Variants in PDE7A observed in about 807,000 individuals in gnomAD.
PDE7A encodes the protein high affinity 3',5'-cyclic-AMP phosphodiesterase 7A.
Under a neutral mutation model 64.3 loss-of-function variants are expected in PDE7A, and 39 were observed. The observed-to-expected ratio is 0.61, with a 90% CI of 0.47 to 0.79. PDE7A has a LOEUF of 0.79. PDE7A is among the 30% of genes least tolerant of loss of function. The pLI is 0.00. For missense variants in PDE7A, 470 were observed against 582.8 expected (o/e 0.81, Z 1.99); for synonymous variants, 203 against 206.8 (o/e 0.98, Z 0.16).
Position 65,775,645 on chromosome 8 carries a change from T to A in PDE7A, c.283+4075A>T, listed in dbSNP as rs968686456. Among the ~76,000 whole-genome samples, 20 of 152,384 alleles carry A rather than the reference T, an allele frequency of 1.3e-4. No individual in the cohort carries two copies. The East Asian group carries it at 3.7e-3, about 28-fold the overall frequency. ...CCTCTCTTATTTCTTCCCTTTTCTT[T>A]GAGACGAAGTCTCGCTCTGTAGCCA... is the stretch of plus-strand genomic sequence containing the variant. On this transcript the variant is annotated intron_variant, in intron 3 of 12. Coordinates refer to ENST00000401827, the MANE Select transcript of PDE7A (RefSeq NM_001242318.3).
intron 4 of PDE7A, among the ~76,000 whole-genome samples, chr8:65,747,002 A>T (rs905611362): frequency 6.6e-6 from 1 of 152,220 alleles, no homozygotes; most frequent in Non-Finnish European, 1.5e-5. Context: ...GGTTAAAAAC[A>T]AGCTCATTTA....
intron 1 of PDE7A, among the ~76,000 whole-genome samples, chr8:65,796,768 C>T (rs1057051273): frequency 2.4e-4 from 36 of 151,976 alleles, no homozygotes; most frequent in African/African-American, 8.7e-4. Flanking sequence ...AATATTTTTG[C>T]CCTAAGATCA....
intron 1 of PDE7A, among the ~76,000 whole-genome samples, chr8:65,791,611 TC>T (rs1809704869): frequency 6.6e-6 from 1 of 152,158 alleles, no homozygotes; most frequent in Non-Finnish European, 1.5e-5. Context: ...ATAGGTTGGC[TC>T]CCTAAAATGC....
At chr8:65,744,022 G>T (rs1807558447) in intron 5 of PDE7A, among the ~76,000 whole-genome samples, 1 of 152,104 alleles carries the variant, frequency 6.6e-6, no homozygotes, top group African/African-American at 2.4e-5. Context: ...TAGTAGAGAT[G>T]GGGTTTTGCC....
intron 3 of PDE7A, among the ~76,000 whole-genome samples, chr8:65,768,925 T>A (rs1271909509): frequency 1.3e-5 from 2 of 152,180 alleles, no homozygotes; most frequent in African/African-American, 4.8e-5. Flanking sequence ...GAGGAAATTT[T>A]TTTATTCTGG....
In PDE7A at chr8:65,841,461, G is replaced by C. The variant is rs760555497; in HGVS notation, c.48C>G (p.Val16=). The C allele has an allele frequency of 3.8e-6, 6 of 1,564,540 alleles. No individual in the cohort carries two copies. The highest frequency in any genetic ancestry group is 1.9e-4 in the Middle Eastern group (1 of 5,330). The change falls in exon 1 of 13, where the codon GTC becomes GTG. Residue 16 remains valine, a synonymous_variant. Coordinates refer to ENST00000401827, the MANE Select transcript of PDE7A (RefSeq NM_001242318.3). ...QLPVLPLDRP[V]PQHVLSRRGA... ...CTCGGCGGCTGAGGACGTGCTGGGG[G>C]ACCGGCCTGTCCAGGGGCAGTACCG...
intron 1 of PDE7A, among the ~76,000 whole-genome samples, chr8:65,804,540 C>CTTTTTTTTT (rs762379703): frequency 1.8e-5 from 2 of 113,044 alleles, no homozygotes; most frequent in African/African-American, 3.1e-5. Context: ...CATTTTGTTG[C>CTTTTTTTTT]TTTTTTTTTT....
At chr8:65,795,661 C>T (rs1809820161) in intron 1 of PDE7A, among the ~76,000 whole-genome samples, 1 of 152,008 alleles carries the variant, frequency 6.6e-6, no homozygotes, top group South Asian at 2.1e-4. Context: ...CGTAGAAAGC[C>T]CTATCAGAAA....
At chr8:65,780,381 G>A (rs1204741732) in intron 2 of PDE7A, among the ~76,000 whole-genome samples, 2 of 152,124 alleles carry the variant, frequency 1.3e-5, no homozygotes, top group Admixed American at 6.5e-5. Flanking sequence ...AAGTCAATCT[G>A]ATTAATCACT....
intron 7 of PDE7A, among the ~76,000 whole-genome samples, chr8:65,732,375 C>A (rs747073164): frequency 4.6e-5 from 7 of 152,154 alleles, no homozygotes; most frequent in African/African-American, 1.2e-4. Flanking sequence ...ATGTACACTT[C>A]ATGAAGACAG....
chr8:65,805,749 C>CT (rs2128928804), intron 1 of PDE7A, among the ~76,000 whole-genome samples: 1 of 150,670 alleles, frequency 6.6e-6, no homozygotes, highest in South Asian at 2.1e-4. Context: ...ACAGGCATGG[C>CT]TTCTGTTCGT....
intron 1 of PDE7A, among the ~76,000 whole-genome samples, chr8:65,832,105 CTTAA>C (rs1465961818): frequency 1.3e-5 from 2 of 152,148 alleles, no homozygotes; most frequent in African/African-American, 2.4e-5. Context: ...TTTTTCTTCA[CTTAA>C]TTATGTTGCT....
chr8:65,766,421 G>A (rs183967652), intron 3 of PDE7A, among the ~76,000 whole-genome samples: 33 of 152,332 alleles, frequency 2.2e-4, no homozygotes, highest in African/African-American at 7.2e-4. Flanking sequence ...ACTCAAAAGA[G>A]TGAAACTAAA....
chr8:65,825,516 T>C (rs972989915), intron 1 of PDE7A, among the ~76,000 whole-genome samples: 1 of 152,170 alleles, frequency 6.6e-6, no homozygotes, highest in African/African-American at 2.4e-5. Flanking sequence ...CACCTTACTT[T>C]TCTAAACTTC....
chr8:65,771,969 A>T (rs1432185368), intron 3 of PDE7A, among the ~76,000 whole-genome samples: 1 of 152,008 alleles, frequency 6.6e-6, no homozygotes. Context: ...GGAGAATACC[A>T]GAACAACCTC....
At position 65,750,504 on chromosome 8, in the gene PDE7A, CTG is replaced by C. The variant is rs1043866998; in HGVS notation, c.284-2703_284-2702del. ...TGTGTGTGTGTGTGTGTGTGTGTGT[CTG>C]TGTGTGTCTGTGTGTGTGTGAGACA... is the stretch of plus-strand genomic sequence containing the variant. On this transcript the variant is annotated intron_variant, in intron 3 of 12. Coordinates refer to ENST00000401827, the MANE Select transcript of PDE7A (RefSeq NM_001242318.3). Among the ~76,000 whole-genome samples, 4 of 143,154 alleles carry C rather than the reference CTG, an allele frequency of 2.8e-5. No individual in the cohort carries two copies. The East Asian group carries it at 6.1e-4, about 22-fold the overall frequency. The allele number at this position is 143,154 out of a possible 152,430, so 93.9% of individuals were successfully genotyped here.
chr8:65,733,002 C>A (rs1806963494), intron 7 of PDE7A, among the ~76,000 whole-genome samples: 1 of 152,088 alleles, frequency 6.6e-6, no homozygotes, highest in Non-Finnish European at 1.5e-5. Flanking sequence ...AGTCACCGTG[C>A]CCAGTCCTGG....
intron 1 of PDE7A, among the ~76,000 whole-genome samples, chr8:65,796,836 A>T (rs751471468): frequency 6.6e-6 from 1 of 152,306 alleles, no homozygotes; most frequent in Non-Finnish European, 1.5e-5. Context: ...CAATAAATAC[A>T]TTAAGGCCAC....
At chr8:65,839,773 T>C (rs1811032840) in intron 1 of PDE7A, among the ~76,000 whole-genome samples, 1 of 152,214 alleles carries the variant, frequency 6.6e-6, no homozygotes, top group Non-Finnish European at 1.5e-5. Flanking sequence ...TTAAAATTGG[T>C]CTCTGTGGAT....
Sources: allele counts gnomAD v4.1 joint callset (sites outside exome capture counted in the v4.1 genomes callset), GRCh38; gene constraint gnomAD v4.1.1; transcripts MANE v1.5; gene names NCBI Gene and HGNC (gene_info 2026-07-23, HGNC 2026-07-21).